Variants in SINHCAF observed in about 807,000 individuals in gnomAD.
The protein encoded by SINHCAF is SIN3-HDAC complex associated factor.
In SINHCAF, 3 loss-of-function variants were observed where a neutral mutation model predicts 25.8. That is an observed-to-expected ratio of 0.12 (90% CI 0.05 to 0.30). The LOEUF (loss-of-function observed/expected upper bound fraction) is 0.30. Among genes scored for constraint, SINHCAF ranks in the 10% least tolerant of loss-of-function variants. SINHCAF has a pLI of 1.00. For synonymous variants in SINHCAF, 70 were observed against 85.5 expected (o/e 0.82, Z 1.00); for missense variants, 121 against 262.3 (o/e 0.46, Z 3.72).
chr12:31,320,759 T>A (rs991022856), intron 1 of SINHCAF, among the ~76,000 whole-genome samples: 1 of 152,154 alleles, frequency 6.6e-6, no homozygotes. Flanking sequence ...TATAGACTTT[T>A]GCAGGAAAAA....
intron 1 of SINHCAF, among the ~76,000 whole-genome samples, chr12:31,299,451 G>A (rs1292362618): frequency 1.3e-5 from 2 of 151,894 alleles, no homozygotes; most frequent in African/African-American, 2.4e-5. Flanking sequence ...CTAGTAGCTG[G>A]GACTACAGGT....
chr12:31,296,001 G>A (rs1938532917), intron 2 of SINHCAF, among the ~76,000 whole-genome samples: 1 of 151,624 alleles, frequency 6.6e-6, no homozygotes, highest in Non-Finnish European at 1.5e-5. Context: ...GGCAACACAA[G>A]GAGACCCCAT....
rs1938439291 is a variant in SINHCAF at position 31,293,870 on chromosome 12, G to A, written c.290C>T (p.Thr97Ile). 6.2e-7 allele frequency: 1 copy of A among 1,613,298 alleles called. No homozygotes were observed. The highest frequency in any genetic ancestry group is 1.3e-5 in the African/African-American group (1 of 74,862). ...GCTTTTTATCCTGTTCCCAGATAGA[G>A]TTTTCACTTTCTTTGGTTTCAATGT... The part of the protein sequence containing the change: ...KTTLKPKKVK[T>I]LSGNRIKSNQ... The change falls in exon 4 of 6, where the codon ACT (threonine) becomes ATT (isoleucine). Residue 97 changes from threonine to isoleucine, a missense_variant. Physicochemically the swap from Thr to Ile is moderately conservative, Grantham distance 89. Transcript: ENST00000337682.
intron 5 of SINHCAF, 72 bp from the exon 6 acceptor site, chr12:31,282,943 C>A (rs2137064001): frequency 8.9e-6 from 10 of 1,125,524 alleles, no homozygotes; most frequent in Non-Finnish European, 1.1e-5. Flanking sequence ...AATCTACTCA[C>A]TATTATAACT....
rs184937215 is a variant in SINHCAF, at chr12:31,325,199, C to A, written c.-21+825G>T. ...AAACGGGAAGCCCTCGCGGTGTCGC[C>A]CACACCTACGCTACAGGTGAACGCA... is the stretch of plus-strand genomic sequence containing the variant. On this transcript the variant is annotated intron_variant, in intron 1 of 5. Coordinates refer to ENST00000337682, the MANE Select transcript of SINHCAF (RefSeq NM_001135812.2). The surrounding 1 kb of genome is among the most constrained non-coding windows in gnomAD (Gnocchi z 5.9). 6.6e-6 allele frequency: 3 copies of A among 456,816 alleles called. No homozygotes were observed. Among genetic ancestry groups the A allele is most frequent in the African/African-American group, 4.0e-5 (2 of 50,222 alleles). The allele number at this position is 456,816 out of a possible 1,614,324, so 28.3% of individuals were successfully genotyped here.
At position 31,320,795 on chromosome 12, in the gene SINHCAF, G is replaced by GA. The variant is rs554625463; in HGVS notation, c.-21+5228dup. ...AAACCTGAGGTTTTAAAAGCTATAG[G>GA]AAAAAATGTTTCTTGCTTATTTCAA... On this transcript the variant is annotated intron_variant, in intron 1 of 5. Transcript: ENST00000337682. Among the ~76,000 whole-genome samples, 14 of 152,118 alleles carry GA rather than the reference G, an allele frequency of 9.2e-5. No homozygotes were observed. The South Asian group carries it at 2.9e-3, about 32-fold the overall frequency.
chr12:31,284,746 T>C (rs1032365811), intron 5 of SINHCAF, among the ~76,000 whole-genome samples: 1 of 152,192 alleles, frequency 6.6e-6, no homozygotes, highest in Non-Finnish European at 1.5e-5. Flanking sequence ...ATGTATCACA[T>C]AACAAGTGCT....
At chr12:31,293,745 A>T in intron 4 of SINHCAF, 60 bp downstream of exon 4, 3 of 1,454,046 alleles carry the variant, frequency 2.1e-6, no homozygotes, top group Non-Finnish European at 2.8e-6. Context: ...GCCATACACC[A>T]CCCCCAGCCA....
At position 31,299,356 on chromosome 12, in the gene SINHCAF, A is replaced by C. The variant is rs558847618; in HGVS notation, c.-20-1132T>G. Among the ~76,000 whole-genome samples the C allele has an allele frequency of 5.9e-5, 9 of 151,970 alleles. No individual in the cohort carries two copies. In the South Asian group the frequency reaches 1.9e-3, roughly 32 times the overall value. Reference sequence around the variant, plus strand: ...TTTGGAGACAGAGTCTCACTCTTTCACCCAGGCTGGAGTGCGGTGGCGCGA... The same window carrying C: ...TTTGGAGACAGAGTCTCACTCTTTCCCCCAGGCTGGAGTGCGGTGGCGCGA... On this transcript the variant is annotated intron_variant, in intron 1 of 5. Coordinates refer to ENST00000337682, the MANE Select transcript of SINHCAF (RefSeq NM_001135812.2).
intron 1 of SINHCAF, among the ~76,000 whole-genome samples, chr12:31,306,194 C>CTTAA (rs1317655689): frequency 5.9e-5 from 9 of 152,160 alleles, no homozygotes; most frequent in Admixed American, 3.3e-4. Flanking sequence ...TATTTATATG[C>CTTAA]TTAAGATGGT....
At chr12:31,287,525 G>A (rs962310443) in intron 5 of SINHCAF, 109 bp downstream of exon 5, 36 of 718,858 alleles carry the variant, frequency 5.0e-5, no homozygotes, top group African/African-American at 3.9e-4. Context: ...CACTGCAATC[G>A]TGTGTTACCA....
intron 1 of SINHCAF, among the ~76,000 whole-genome samples, chr12:31,300,948 C>T (rs1938766554): frequency 1.3e-5 from 2 of 152,184 alleles, no homozygotes; most frequent in African/African-American, 4.8e-5. Context: ...TCCATTAATA[C>T]ACAGACCAAA....
chr12:31,284,056 T>TA (rs1333815905), intron 5 of SINHCAF, among the ~76,000 whole-genome samples: 1 of 152,218 alleles, frequency 6.6e-6, no homozygotes, highest in Non-Finnish European at 1.5e-5. Flanking sequence ...GGACACATCT[T>TA]AAAGGTTTTT....
intron 1 of SINHCAF, among the ~76,000 whole-genome samples, chr12:31,321,830 A>T (rs1939704584): frequency 6.6e-6 from 1 of 152,230 alleles, no homozygotes; most frequent in Non-Finnish European, 1.5e-5. Context: ...TCCTCATAAG[A>T]GCCCTGTATA....
At chr12:31,299,793 T>G (rs1938712043) in intron 1 of SINHCAF, among the ~76,000 whole-genome samples, 1 of 152,194 alleles carries the variant, frequency 6.6e-6, no homozygotes, top group Admixed American at 6.5e-5. Context: ...TGGGCATCCT[T>G]GTGCAGACAT....
chr12:31,285,649 T>C (rs1165810338), intron 5 of SINHCAF, among the ~76,000 whole-genome samples: 1 of 152,108 alleles, frequency 6.6e-6, no homozygotes, highest in East Asian at 1.9e-4. Flanking sequence ...TTTGTACCTG[T>C]GTTTTCACAT....
chr12:31,297,222 T>TTAG (rs1427648596), intron 2 of SINHCAF, among the ~76,000 whole-genome samples: 2 of 152,162 alleles, frequency 1.3e-5, no homozygotes, highest in African/African-American at 4.8e-5. Context: ...TATTTTTATT[T>TTAG]TAGTATCTTC....
At chr12:31,317,894 A>C (rs1939550946) in intron 1 of SINHCAF, among the ~76,000 whole-genome samples, 1 of 152,226 alleles carries the variant, frequency 6.6e-6, no homozygotes, top group Non-Finnish European at 1.5e-5. Flanking sequence ...GACAAAAAGA[A>C]CTAAGCAACC....
At chr12:31,305,118 T>C (rs1351747799) in intron 1 of SINHCAF, 2 of 152,126 alleles carry the variant, frequency 1.3e-5, no homozygotes, top group East Asian at 1.9e-4. Context: ...ATTCAGGAAG[T>C]TGTGCCTTTT....
Sources: gnomAD v4.1 joint callset for allele counts (sites outside exome capture counted in the v4.1 genomes callset) on GRCh38, gnomAD v4.1.1 for gene constraint, Gnocchi (gnomAD v3.1) non-coding constraint, MANE v1.5 for transcripts, NCBI Gene and HGNC (gene_info 2026-07-23, HGNC 2026-07-21) for gene names.